Variants in TAMM41 observed in about 807,000 individuals in gnomAD.
The protein encoded by TAMM41 is TAM41 mitochondrial translocator assembly and maintenance homolog, also known as phosphatidate cytidylyltransferase, mitochondrial.
Under a neutral mutation model 44.1 loss-of-function variants are expected in TAMM41, and 36 were observed. That is an observed-to-expected ratio of 0.82 (90% CI 0.63 to 1.08). The LOEUF (loss-of-function observed/expected upper bound fraction) is 1.08, where lower values mean the gene tolerates loss of function less well. TAMM41 is among the 50% of genes least tolerant of loss of function. The pLI is 0.00. For missense variants in TAMM41, 417 were observed against 404.3 expected (o/e 1.03, Z -0.27); for synonymous variants, 164 against 153.1 (o/e 1.07, Z -0.53).
intron 7 of TAMM41, among the ~76,000 whole-genome samples, chr3:11,793,823 G>A (rs982559532): frequency 5.3e-5 from 8 of 152,168 alleles, no homozygotes; most frequent in African/African-American, 1.4e-4. Context: ...TGCCTGTGAC[G>A]GGCATGAGGG....
the TAMM41 span, among the ~76,000 whole-genome samples, chr3:11,784,541 T>A: frequency 6.6e-6 from 1 of 152,070 alleles, no homozygotes; most frequent in East Asian, 1.9e-4. Flanking sequence ...TAGGCATATT[T>A]CCTTCCTTGC....
the TAMM41 span, among the ~76,000 whole-genome samples, chr3:11,783,819 G>A: frequency 8.5e-5 from 13 of 152,172 alleles, no homozygotes; most frequent in Non-Finnish European, 1.5e-4. Context: ...TTGAATCCTG[G>A]TTCTACCACT....
chr3:11,813,074 C>A (rs950525679), intron 5 of TAMM41, among the ~76,000 whole-genome samples: 6 of 152,116 alleles, frequency 3.9e-5, no homozygotes, highest in African/African-American at 1.4e-4. Context: ...TTCTGGATAC[C>A]TTTATTTTTA....
chr3:11,820,204 G>A (rs1337400565), intron 4 of TAMM41, among the ~76,000 whole-genome samples: 2 of 152,252 alleles, frequency 1.3e-5, no homozygotes, highest in Non-Finnish European at 2.9e-5. Context: ...ATTAATCTTT[G>A]AAGAGATGAA....
the TAMM41 span, among the ~76,000 whole-genome samples, chr3:11,732,736 C>T: frequency 1.3e-5 from 2 of 152,092 alleles, no homozygotes; most frequent in African/African-American, 4.8e-5. Flanking sequence ...ACAGCCGTGC[C>T]ACAATCTAGG....
At chr3:11,789,160 G>C (rs1233624232), downstream of TAMM41, among the ~76,000 whole-genome samples, 1 of 152,160 alleles carries the variant, frequency 6.6e-6, no homozygotes, top group Non-Finnish European at 1.5e-5. Context: ...AAACTATTCA[G>C]AGGCTCGATA....
chr3:11,768,328 G>A, the TAMM41 span, among the ~76,000 whole-genome samples: 16 of 152,004 alleles, frequency 1.1e-4, no homozygotes, highest in African/African-American at 3.9e-4. Flanking sequence ...TGTAGAGATG[G>A]GGTCTCCCTA....
the TAMM41 span, among the ~76,000 whole-genome samples, chr3:11,759,922 C>T: frequency 6.9e-4 from 105 of 151,864 alleles, no homozygotes; most frequent in Admixed American, 1.7e-3. Context: ...TGCAGTGAGC[C>T]GAGATCGCGC....
At chr3:11,810,686 G>C (rs776599214) in intron 5 of TAMM41, 3 of 152,204 alleles carry the variant, frequency 2.0e-5, no homozygotes, top group Non-Finnish European at 4.4e-5. Flanking sequence ...TTTAGGCTTA[G>C]AGTTTACAGA....
chr3:11,781,785 A>C, the TAMM41 span, among the ~76,000 whole-genome samples: 1 of 139,072 alleles, frequency 7.2e-6, no homozygotes, highest in Non-Finnish European at 1.6e-5. Flanking sequence ...TAATAATCAT[A>C]CAAATAAGAG....
chr3:11,726,474 G>C, the TAMM41 span, among the ~76,000 whole-genome samples: 1 of 152,206 alleles, frequency 6.6e-6, no homozygotes, highest in Admixed American at 6.5e-5. Flanking sequence ...TGTCGAGATT[G>C]ATTATTAATG....
At chr3:11,751,082 G>A in the TAMM41 span, among the ~76,000 whole-genome samples, 3 of 144,490 alleles carry the variant, frequency 2.1e-5, no homozygotes, top group African/African-American at 7.8e-5. Flanking sequence ...GAAGCTTACA[G>A]ATGATACTTT....
In TAMM41 at chr3:11,840,732, C is replaced by G. The variant is rs574665619; in HGVS notation, c.319-1418G>C. On this transcript the variant is annotated intron_variant, in intron 2 of 7. Transcript: ENST00000455809. ...TTGGGAGTAAAAAAAACTTGTCCTT[C>G]CCCAAAGACAGTTTGAGAAGTGATA... Among the ~76,000 whole-genome samples, 11 of 151,842 alleles carry G rather than the reference C, an allele frequency of 7.2e-5. No homozygotes were observed. In the South Asian group the frequency reaches 2.3e-3, roughly 32 times the overall value.
the TAMM41 span, among the ~76,000 whole-genome samples, chr3:11,770,318 A>C: frequency 5.3e-5 from 8 of 152,042 alleles, no homozygotes; most frequent in Admixed American, 5.2e-4. Context: ...GCACCCTACC[A>C]CTACCCTGGA....
the TAMM41 span, among the ~76,000 whole-genome samples, chr3:11,778,233 T>C: frequency 6.6e-6 from 1 of 152,134 alleles, no homozygotes; most frequent in African/African-American, 2.4e-5. Context: ...ATGTTTTTTT[T>C]TCCTTTTTAG....
At chr3:11,771,011 T>A in the TAMM41 span, among the ~76,000 whole-genome samples, 2 of 152,072 alleles carry the variant, frequency 1.3e-5, no homozygotes, top group African/African-American at 4.8e-5. Context: ...GGCGGGCAGC[T>A]GGTCCACCCT....
chr3:11,820,492 G>A (rs9820117), intron 4 of TAMM41, among the ~76,000 whole-genome samples: 9,219 of 152,216 alleles, frequency 0.061, 532 homozygotes, highest in African/African-American at 0.14. Context: ...AACAAGGACC[G>A]GGGCTTATTT....
the TAMM41 span, among the ~76,000 whole-genome samples, chr3:11,755,228 G>C: frequency 4.6e-5 from 7 of 152,124 alleles, no homozygotes; most frequent in African/African-American, 1.7e-4. Context: ...AACACACACA[G>C]GCTTTCTGCA....
chr3:11,751,204 G>T, the TAMM41 span, among the ~76,000 whole-genome samples: 2 of 149,792 alleles, frequency 1.3e-5, no homozygotes, highest in African/African-American at 4.9e-5. Context: ...CAATTCTCCT[G>T]CCTCAGCCTC....
Sources: gnomAD v4.1 joint callset for allele counts (sites outside exome capture counted in the v4.1 genomes callset) on GRCh38, gnomAD v4.1.1 for gene constraint, MANE v1.5 for transcripts, NCBI Gene and HGNC (gene_info 2026-07-23, HGNC 2026-07-21) for gene names.